Variants in ADGB observed in about 807,000 individuals in gnomAD.
ADGB encodes the protein calpain-7-like protein.
In ADGB, 172 loss-of-function variants were observed where a neutral mutation model predicts 210.5. The ratio of observed to expected loss-of-function variants is 0.82; its 90% CI spans 0.72 to 0.93. ADGB has a LOEUF of 0.93. Ranked by LOEUF, ADGB falls within the 40% of genes least tolerant of loss-of-function variation. The pLI is 0.00. For missense variants in ADGB, 2,025 were observed against 1,964.8 expected, an observed-to-expected ratio of 1.03 and a Z score of -0.58; for synonymous variants, 658 against 662.7, an observed-to-expected ratio of 0.99 and a Z score of 0.11.
chr6:146,622,201 C>T (rs1202118478), intron 1 of ADGB, among the ~76,000 whole-genome samples: 1 of 152,068 alleles, frequency 6.6e-6, no homozygotes, highest in Non-Finnish European at 1.5e-5. Flanking sequence ...GGCTGTAAAA[C>T]ATTACCAGGA....
At chr6:146,810,600 A>ATG (rs1778289679) in intron 35 of ADGB, among the ~76,000 whole-genome samples, 1 of 151,824 alleles carries the variant, frequency 6.6e-6, no homozygotes, top group African/African-American at 2.4e-5. Flanking sequence ...ATATATATAT[A>ATG]ATGGAATATA....
intron 1 of ADGB, among the ~76,000 whole-genome samples, chr6:146,605,969 T>C (rs1297350651): frequency 6.6e-6 from 1 of 152,176 alleles, no homozygotes; most frequent in Non-Finnish European, 1.5e-5. Context: ...CAAATGGTGG[T>C]CCTGTTTTAA....
chr6:146,604,720 G>C (rs1180115143), intron 1 of ADGB, among the ~76,000 whole-genome samples: 2 of 152,142 alleles, frequency 1.3e-5, no homozygotes, highest in Admixed American at 1.3e-4. Context: ...GATGCTTTCT[G>C]TCAAGGGATT....
chr6:146,741,024 T>C (rs1777157071), intron 24 of ADGB, 94 bp from the exon 25 acceptor site: 5 of 985,764 alleles, frequency 5.1e-6, no homozygotes, highest in Admixed American at 3.7e-5. Flanking sequence ...TTTGGAACTT[T>C]GGATTTTTAA....
At chr6:146,788,743 C>A (rs1420071044) in intron 33 of ADGB, 133 bp downstream of exon 33, 3 of 883,978 alleles carry the variant, frequency 3.4e-6, no homozygotes, top group Admixed American at 2.7e-5. Context: ...TATAGATTTT[C>A]ATTTTACTTA....
chr6:146,705,796 T>C (rs1017390560), intron 13 of ADGB, among the ~76,000 whole-genome samples: 1 of 152,198 alleles, frequency 6.6e-6, no homozygotes, highest in African/African-American at 2.4e-5. Context: ...CCTGTATAAT[T>C]AGTTTGAAAT....
At chr6:146,802,945 A>G (rs937226469) in intron 35 of ADGB, 8 of 1,610,242 alleles carry the variant, frequency 5.0e-6, no homozygotes, top group Non-Finnish European at 5.9e-6. Context: ...TTTGTTTTGG[A>G]TGATAGTTCT....
chr6:146,642,945 G>A (rs1210261161), intron 2 of ADGB, among the ~76,000 whole-genome samples: 1 of 151,710 alleles, frequency 6.6e-6, no homozygotes, highest in Admixed American at 6.6e-5. Flanking sequence ...TAACAGACAT[G>A]AAAAGAAACA....
intron 6 of ADGB, 22 bp from the exon 7 acceptor site, chr6:146,666,794 C>T (rs9403802): frequency 0.42 from 641,108 of 1,518,626 alleles, 139,226 homozygotes; most frequent in South Asian, 0.48. Flanking sequence ...CTACCTGTAA[C>T]ATTATGCATG....
At chr6:146,606,481 C>T (rs1780630835) in intron 1 of ADGB, among the ~76,000 whole-genome samples, 1 of 152,096 alleles carries the variant, frequency 6.6e-6, no homozygotes, top group Non-Finnish European at 1.5e-5. Context: ...GGGCCTATGT[C>T]CAGAATGGTA....
At chr6:146,665,748 T>A (rs1269886226) in intron 6 of ADGB, among the ~76,000 whole-genome samples, 1 of 152,076 alleles carries the variant, frequency 6.6e-6, no homozygotes, top group African/African-American at 2.4e-5. Context: ...GGTGGAAAGT[T>A]TCCCTACATG....
intron 10 of ADGB, among the ~76,000 whole-genome samples, chr6:146,686,605 AT>A (rs1244202757): frequency 1.3e-5 from 2 of 152,074 alleles, no homozygotes; most frequent in African/African-American, 2.4e-5. Flanking sequence ...CATTTTCATA[AT>A]TTTTAAGCTA....
At chr6:146,734,129 T>A in intron 22 of ADGB, 99 bp downstream of exon 22, 1 of 1,171,178 alleles carries the variant, frequency 8.5e-7, no homozygotes, top group Non-Finnish European at 1.2e-6. Flanking sequence ...ACTTTATGGC[T>A]AATTAATTTC....
At chr6:146,752,144 G>A (rs1168793764) in intron 26 of ADGB, among the ~76,000 whole-genome samples, 1 of 152,088 alleles carries the variant, frequency 6.6e-6, no homozygotes, top group Non-Finnish European at 1.5e-5. Context: ...TGTACAGGAA[G>A]CATAATGCTG....
rs570147429 is a variant in ADGB at position 146,700,176 on chromosome 6, A to G, written c.1578-765A>G. 4.6e-5 allele frequency among the ~76,000 whole-genome samples: 7 copies of G among 152,302 alleles called. No homozygotes were observed. The East Asian group carries it at 1.2e-3, about 25-fold the overall frequency. ...AGCCTTTGAAAGTGACTGCTATCACAACTTTCTGTCTTAGGAACACTGTCT... is the reference window on the plus strand; with the variant it reads ...AGCCTTTGAAAGTGACTGCTATCACGACTTTCTGTCTTAGGAACACTGTCT... On this transcript the variant is annotated intron_variant, in intron 12 of 35. Transcript: ENST00000397944.
In ADGB at chr6:146,734,493, A is replaced by G. The variant is rs115916725; in HGVS notation, c.2794+463A>G. ...ACTAATGCATAATAAAGAAGCCACTATGTATGTCCATAGTGACACACATCT... is the reference window on the plus strand; with the variant it reads ...ACTAATGCATAATAAAGAAGCCACTGTGTATGTCCATAGTGACACACATCT... On this transcript the variant is annotated intron_variant, in intron 22 of 35. Transcript: ENST00000397944. 9.8e-4 allele frequency among the ~76,000 whole-genome samples: 150 copies of G among 152,352 alleles called. No homozygotes were observed. In the Middle Eastern group the frequency reaches 0.01, roughly 10 times the overall value.
chr6:146,789,294 ACAGT>A (rs1280497635), intron 33 of ADGB, among the ~76,000 whole-genome samples: 2 of 152,182 alleles, frequency 1.3e-5, no homozygotes, highest in Non-Finnish European at 2.9e-5. Context: ...CTGTGCTGGA[ACAGT>A]CAGTCAGCTT....
At chr6:146,694,594 G>A (rs1252061725) in intron 12 of ADGB, among the ~76,000 whole-genome samples, 1 of 152,106 alleles carries the variant, frequency 6.6e-6, no homozygotes, top group Non-Finnish European at 1.5e-5. Context: ...TTCTGTTGAT[G>A]TGTTTTGTAA....
In ADGB at chr6:146,740,461, T is replaced by A. The variant is rs1459884804; in HGVS notation, c.2891T>A (p.Leu964Gln). Residue 964 changes from leucine (L) to glutamine (Q), a missense_variant and splice_region_variant, in exon 24 of 36, where the codon CTA (leucine) becomes CAA (glutamine). Coordinates refer to ENST00000397944, the MANE Select transcript of ADGB (RefSeq NM_024694.4). Reference sequence around the variant, plus strand: ...ATAATTTATTTTTATATTTCTAGACTAATGTTTAAAAGCAAGTGCAAGTCT... The same window carrying A: ...ATAATTTATTTTTATATTTCTAGACAAATGTTTAAAAGCAAGTGCAAGTCT... ...LEQYAVSLLR[L>Q]MFKSKCKSLE... is the part of the protein sequence containing the mutation. The A allele has an allele frequency of 2.0e-6, 3 of 1,536,802 alleles. No individual in the cohort carries two copies. In the African/African-American group the frequency reaches 4.1e-5, roughly 21 times the overall value.
Sources: allele counts gnomAD v4.1 joint callset (sites outside exome capture counted in the v4.1 genomes callset), GRCh38; gene constraint gnomAD v4.1.1; transcripts MANE v1.5; gene names NCBI Gene and HGNC (gene_info 2026-07-23, HGNC 2026-07-21).